CAPN8: variants seen among roughly 807,000 people sequenced by gnomAD.
The protein encoded by CAPN8 is calpain 8, also known as calpain-8.
CAPN8 carries 87 observed loss-of-function variants against 80.9 expected under a neutral mutation model. The ratio of observed to expected loss-of-function variants is 1.07; its 90% CI spans 0.90 to 1.28. CAPN8 has a LOEUF of 1.28. CAPN8 is among the 50% of genes most tolerant of loss of function. The pLI, the probability that CAPN8 is intolerant of heterozygous loss-of-function variation, is 0.00. For missense variants in CAPN8, 757 were observed against 702.0 expected (o/e 1.08, Z -0.89); for synonymous variants, 299 against 273.8 (o/e 1.09, Z -0.91).
chr1:223,629,197 A>AGTGTGTGTGTGTGTGT lies in CAPN8; in HGVS notation c.308-433_308-418dup, dbSNP rs113967295. ...CCAATCTATGATGTGTACGTGTAAG[A>AGTGTGTGTGTGTGTGT]GTGTGTGTGTGTGTGTGTGTGTGTG... On this transcript the variant is annotated intron_variant, in intron 2 of 20. Transcript: ENST00000366872. Among the ~76,000 whole-genome samples, 127 of 95,290 alleles carry AGTGTGTGTGTGTGTGT rather than the reference A, an allele frequency of 1.3e-3. 1 individual carries two copies. In the East Asian group the frequency reaches 0.024, roughly 18 times the overall value. 62.5% of individuals were successfully genotyped at this position (95,290 alleles called of 152,430 possible).
chr1:223,621,727 G>T (rs1166544410), intron 7 of CAPN8, among the ~76,000 whole-genome samples: 4 of 152,068 alleles, frequency 2.6e-5, no homozygotes, highest in Admixed American at 2.6e-4. Flanking sequence ...GATTAAACTT[G>T]GCGATGTCCC....
chr1:223,545,145 A>G, intron 17 of CAPN8, 86 bp downstream of exon 17: 1 of 1,541,716 alleles, frequency 6.5e-7, no homozygotes, highest in Non-Finnish European at 8.8e-7. Flanking sequence ...ATGATTAAGG[A>G]TGTGGTCAGA....
In CAPN8 at chr1:223,553,962, A is replaced by G. The variant is rs2102693041; in HGVS notation, c.1573-62T>C. ...TCGTCAAGGAGAATGAAAGACGAAGATTTAAAATTCATTCCTTCATCCATT... is the reference window on the plus strand; with the variant it reads ...TCGTCAAGGAGAATGAAAGACGAAGGTTTAAAATTCATTCCTTCATCCATT... On this transcript the variant is annotated intron_variant, in intron 13 of 20. Transcript: ENST00000366872. The G allele has an allele frequency of 5.3e-5, 21 of 398,478 alleles. No individual in the cohort carries two copies. In the East Asian group the frequency reaches 7.5e-4, roughly 14 times the overall value. 24.7% of individuals were successfully genotyped at this position (398,478 alleles called of 1,614,324 possible).
At position 223,549,536 on chromosome 1, in the gene CAPN8, G is replaced by A. The variant is rs564598608; in HGVS notation, c.1700-154C>T. 64 of 1,158,376 alleles carry A rather than the reference G, an allele frequency of 5.5e-5. No individual in the cohort carries two copies. The African/African-American group carries it at 8.4e-4, about 15-fold the overall frequency. The allele number at this position is 1,158,376 out of a possible 1,614,324, so 71.8% of individuals were successfully genotyped here. On this transcript the variant is annotated intron_variant, in intron 15 of 20. Transcript: ENST00000366872. ...GGGGAGAGCATCATGGCAGGCTTGT[G>A]GGCAGATACGCCTGAGCCTCCTGGT...
At chr1:223,654,479 C>T (rs1658425507) in intron 1 of CAPN8, 80 bp from the exon 2 acceptor site, 1 of 1,305,252 alleles carries the variant, frequency 7.7e-7, no homozygotes, top group Non-Finnish European at 1.1e-6. Context: ...CATCAGAGTC[C>T]CAGGTTGCAG....
chr1:223,551,150 T>C, intron 14 of CAPN8, 133 bp from the exon 15 acceptor site: 1 of 598,562 alleles, frequency 1.7e-6, no homozygotes, highest in Admixed American at 2.9e-5. Flanking sequence ...GTTTTTGTTT[T>C]TTGTTTTTTT....
At chr1:223,632,817 T>C (rs1157770818) in intron 2 of CAPN8, among the ~76,000 whole-genome samples, 2 of 152,256 alleles carry the variant, frequency 1.3e-5, no homozygotes, top group African/African-American at 2.4e-5. Context: ...CAGGAGTTAG[T>C]GCTCACTCAT....
At chr1:223,553,088 G>C (rs988682063) in intron 14 of CAPN8, among the ~76,000 whole-genome samples, 1 of 132,294 alleles carries the variant, frequency 7.6e-6, no homozygotes, top group African/African-American at 3.1e-5. Flanking sequence ...CCGGGGTGGT[G>C]GGGGGAGACC....
At chr1:223,665,281 T>TGGA (rs1658755500) in intron 1 of CAPN8, 129 bp downstream of exon 1, 1 of 703,542 alleles carries the variant, frequency 1.4e-6, no homozygotes, top group African/African-American at 1.8e-5. Flanking sequence ...AAGGTGGTGG[T>TGGA]GGAGGGATCT....
At chr1:223,617,098 C>T (rs545461871) in intron 9 of CAPN8, 2 of 152,092 alleles carry the variant, frequency 1.3e-5, no homozygotes, top group East Asian at 3.9e-4. Context: ...AATGATGTGC[C>T]CGGGAGGAAA....
chr1:223,662,105 C>T (rs72747975), intron 1 of CAPN8, among the ~76,000 whole-genome samples: 8,477 of 152,148 alleles, frequency 0.056, 293 homozygotes, highest in Non-Finnish European at 0.071. Context: ...ATATGAGGTA[C>T]CCAACATAAT....
chr1:223,627,964 CAGGG>C (rs1657642747), intron 4 of CAPN8, 41 bp downstream of exon 4: 3 of 1,488,252 alleles, frequency 2.0e-6, no homozygotes, highest in African/African-American at 1.4e-5. Context: ...TGAGAGCTTT[CAGGG>C]AGGCTCTGGC....
At position 223,544,981 on chromosome 1, in the gene CAPN8, A is replaced by G. The variant is rs926608553; in HGVS notation, c.1834-131T>C. On this transcript the variant is annotated intron_variant, in intron 17 of 20. Coordinates refer to ENST00000366872, the MANE Select transcript of CAPN8 (RefSeq NM_001143962.2). Reference sequence around the variant, plus strand: ...AAAGGAGACCCTATTGACTCCTCCCAAGAAGGTTTCAGAGCAAGCATAAGA... The same window carrying G: ...AAAGGAGACCCTATTGACTCCTCCCGAGAAGGTTTCAGAGCAAGCATAAGA... 6.7e-6 allele frequency: 10 copies of G among 1,486,276 alleles called. No homozygotes were observed. In the Admixed American group the frequency reaches 2.0e-4, roughly 29 times the overall value. The allele number at this position is 1,486,276 out of a possible 1,614,324, so 92.1% of individuals were successfully genotyped here. A position where few individuals can be genotyped will look rare whatever the true frequency, so the allele number is the denominator to read the frequency against.
intron 12 of CAPN8, among the ~76,000 whole-genome samples, chr1:223,558,909 T>C (rs1294156834): frequency 6.7e-6 from 1 of 148,210 alleles, no homozygotes; most frequent in African/African-American, 2.5e-5. Context: ...GTGATGTGTG[T>C]GATATGTAAT....
At chr1:223,664,668 T>A (rs1658737779) in intron 1 of CAPN8, among the ~76,000 whole-genome samples, 1 of 152,326 alleles carries the variant, frequency 6.6e-6, no homozygotes, top group South Asian at 2.1e-4. Flanking sequence ...CTGGGTGTAG[T>A]GGCTCACATC....
chr1:223,652,185 C>CA (rs1658360485), intron 2 of CAPN8, among the ~76,000 whole-genome samples: 1 of 151,902 alleles, frequency 6.6e-6, no homozygotes, highest in African/African-American at 2.4e-5. Context: ...CAAAAAACTA[C>CA]AAAAAAATTA....
At chr1:223,609,003 A>C (rs1656967380) in intron 12 of CAPN8, 150 bp downstream of exon 12, 5 of 385,050 alleles carry the variant, frequency 1.3e-5, no homozygotes, top group Non-Finnish European at 1.8e-5. Context: ...GGGGACACCC[A>C]GTGAAGGGTC....
intron 5 of CAPN8, among the ~76,000 whole-genome samples, chr1:223,626,432 G>C (rs1657579835): frequency 6.6e-6 from 1 of 152,140 alleles, no homozygotes; most frequent in African/African-American, 2.4e-5. Context: ...GAGGAAGACA[G>C]GGCAGCCAGA....
intron 2 of CAPN8, among the ~76,000 whole-genome samples, chr1:223,637,831 A>G (rs1158076387): frequency 1.3e-5 from 2 of 152,118 alleles, no homozygotes; most frequent in African/African-American, 4.8e-5. Context: ...CCTGTGTTCA[A>G]AGCCCTGGAC....
Sources: allele counts gnomAD v4.1 joint callset (sites outside exome capture counted in the v4.1 genomes callset), GRCh38; gene constraint gnomAD v4.1.1; transcripts MANE v1.5; gene names NCBI Gene and HGNC (gene_info 2026-07-23, HGNC 2026-07-21).